LDAH: variants seen among roughly 807,000 people sequenced by gnomAD.
The protein encoded by LDAH is lipid droplet associated hydrolase.
Under a neutral mutation model 29.6 loss-of-function variants are expected in LDAH, and 26 were observed. The observed-to-expected ratio is 0.88, with a 90% confidence interval of 0.64 to 1.22. The LOEUF (loss-of-function observed/expected upper bound fraction) is 1.22, where lower values mean the gene tolerates loss of function less well. LDAH is among the 50% of genes most tolerant of loss of function. The pLI is 0.00. For synonymous variants in LDAH, 117 were observed against 133.0 expected (o/e 0.88, Z 0.83); for missense variants, 344 against 387.3 (o/e 0.89, Z 0.94).
chr2:20,719,067 G>T (rs1261931346), intron 5 of LDAH, among the ~76,000 whole-genome samples: 1 of 151,550 alleles, frequency 6.6e-6, no homozygotes, highest in Non-Finnish European at 1.5e-5. Context: ...AAAAAATACA[G>T]GCTTCAAATA....
intron 6 of LDAH, among the ~76,000 whole-genome samples, chr2:20,689,466 G>C (rs10181362): frequency 6.6e-6 from 1 of 152,266 alleles, no homozygotes; most frequent in African/African-American, 2.4e-5. Flanking sequence ...TCTTTCTGTA[G>C]CTCTAAAATG....
intron 5 of LDAH, among the ~76,000 whole-genome samples, chr2:20,723,815 C>A (rs965697037): frequency 3.3e-5 from 5 of 151,980 alleles, no homozygotes; most frequent in African/African-American, 4.8e-5. Flanking sequence ...TCAAGCACTA[C>A]AGTGAAGGAA....
At chr2:20,784,604 G>A (rs1670420315) in intron 3 of LDAH, among the ~76,000 whole-genome samples, 1 of 150,608 alleles carries the variant, frequency 6.6e-6, no homozygotes, top group Admixed American at 6.6e-5. Flanking sequence ...TTTTTTTTTG[G>A]CTGGGCACAG....
chr2:20,761,087 C>A (rs946981869), intron 4 of LDAH, among the ~76,000 whole-genome samples: 2 of 148,254 alleles, frequency 1.3e-5, no homozygotes, highest in Admixed American at 6.6e-5. Flanking sequence ...TAGTATTGCT[C>A]CTTTGGATGT....
At chr2:20,803,349 A>G (rs1421629996) in intron 1 of LDAH, among the ~76,000 whole-genome samples, 5 of 152,150 alleles carry the variant, frequency 3.3e-5, no homozygotes, top group Admixed American at 3.3e-4. Flanking sequence ...GCCCCAGACC[A>G]GGTGGCTACT....
At chr2:20,790,519 C>A in intron 2 of LDAH, 121 bp from the exon 3 acceptor site, 1 of 763,366 alleles carries the variant, frequency 1.3e-6, no homozygotes, top group South Asian at 1.8e-5. Flanking sequence ...TTCAGAGTAC[C>A]CAAGAGAGAT....
intron 2 of LDAH, among the ~76,000 whole-genome samples, chr2:20,795,942 C>T (rs1671273174): frequency 9.3e-6 from 1 of 107,058 alleles, no homozygotes. Flanking sequence ...CCCCCGAAAC[C>T]TGCCACACAC....
chr2:20,803,385 T>C (rs1052697291), intron 1 of LDAH, among the ~76,000 whole-genome samples: 2 of 152,178 alleles, frequency 1.3e-5, no homozygotes, highest in African/African-American at 4.8e-5. Flanking sequence ...TCAAACCATA[T>C]GCACCGGCTT....
At chr2:20,714,713 T>C (rs1274739379) in intron 5 of LDAH, among the ~76,000 whole-genome samples, 2 of 151,922 alleles carry the variant, frequency 1.3e-5, no homozygotes, top group African/African-American at 4.8e-5. Context: ...ACCACCAATC[T>C]CACAGAAATA....
At chr2:20,718,321 G>C (rs1665391040) in intron 5 of LDAH, among the ~76,000 whole-genome samples, 1 of 151,956 alleles carries the variant, frequency 6.6e-6, no homozygotes, top group African/African-American at 2.4e-5. Flanking sequence ...GATGGAAAAA[G>C]ATACTCCATG....
At chr2:20,807,062 A>C (rs1354905764) in intron 1 of LDAH, among the ~76,000 whole-genome samples, 3 of 152,098 alleles carry the variant, frequency 2.0e-5, no homozygotes, top group African/African-American at 7.2e-5. Flanking sequence ...TGGTACAATC[A>C]ATCAATATCA....
chr2:20,751,358 C>T (rs1417239574), intron 4 of LDAH, among the ~76,000 whole-genome samples: 2 of 152,160 alleles, frequency 1.3e-5, no homozygotes, highest in East Asian at 3.8e-4. Context: ...TACCCTGTGA[C>T]TGGTTCCAGT....
chr2:20,804,338 G>A (rs1671921755), intron 1 of LDAH, among the ~76,000 whole-genome samples: 1 of 152,026 alleles, frequency 6.6e-6, no homozygotes, highest in South Asian at 2.1e-4. Flanking sequence ...CTCATAAAAG[G>A]TATAAACTTT....
rs554719611 is a variant in LDAH, at chr2:20,685,674, T to C, written c.*1229A>G. 1.9e-5 allele frequency: 30 copies of C among 1,548,134 alleles called. No homozygotes were observed. In the African/African-American group the frequency reaches 2.9e-4, roughly 15 times the overall value. On this transcript the variant is annotated 3_prime_UTR_variant, in exon 7 of 7. Coordinates refer to ENST00000237822, the MANE Select transcript of LDAH (RefSeq NM_021925.4). ...GGATTTCCTCTAGGAGAAAAAGGAA[T>C]ATTTCTGATCCATGATCAACTGTCA...
intron 3 of LDAH, among the ~76,000 whole-genome samples, chr2:20,781,518 G>T (rs1670191068): frequency 6.6e-6 from 1 of 152,160 alleles, no homozygotes; most frequent in African/African-American, 2.4e-5. Context: ...TAATATATCT[G>T]TGTTGCCTAT....
intron 6 of LDAH, among the ~76,000 whole-genome samples, chr2:20,691,709 T>C (rs879662420): frequency 1.3e-5 from 2 of 152,246 alleles, no homozygotes; most frequent in Admixed American, 6.5e-5. Context: ...AAAGTATACA[T>C]TATTGAGATA....
chr2:20,772,424 T>C (rs1370044915), intron 4 of LDAH, among the ~76,000 whole-genome samples: 1 of 152,220 alleles, frequency 6.6e-6, no homozygotes, highest in Non-Finnish European at 1.5e-5. Context: ...TCCAAGTCAT[T>C]GCCTACACCA....
At chr2:20,755,612 C>T (rs1344744686) in intron 4 of LDAH, among the ~76,000 whole-genome samples, 2 of 152,180 alleles carry the variant, frequency 1.3e-5, no homozygotes, top group African/African-American at 2.4e-5. Flanking sequence ...CCCTGGGACA[C>T]TTGCCTCATC....
rs746125882 is a variant in LDAH at position 20,775,502 on chromosome 2, T to C, written c.299-523A>G. 7.9e-5 allele frequency among the ~76,000 whole-genome samples: 12 copies of C among 152,212 alleles called. 1 individual carries two copies. Among genetic ancestry groups the C allele is most frequent in the South Asian group, 2.1e-4 (1 of 4,826 alleles). On this transcript the variant is annotated intron_variant, in intron 3 of 6. Coordinates refer to ENST00000237822, the MANE Select transcript of LDAH (RefSeq NM_021925.4). ...ATGCACTGGGTCCCAGTACCACACA[T>C]TGAGAACCAGCTGCTTAGGCTAATT...
Sources: allele counts gnomAD v4.1 joint callset (sites outside exome capture counted in the v4.1 genomes callset), GRCh38; gene constraint gnomAD v4.1.1; transcripts MANE v1.5; gene names NCBI Gene and HGNC (gene_info 2026-07-23, HGNC 2026-07-21).